Variants in C1orf21 observed in about 807,000 individuals in gnomAD.
The protein encoded by C1orf21 is uncharacterized protein C1orf21.
In C1orf21, 3 loss-of-function variants were observed where a neutral mutation model predicts 18.7. That is an observed-to-expected ratio of 0.16 (90% confidence interval 0.07 to 0.42). The LOEUF is 0.42. Among genes scored for constraint, C1orf21 ranks in the 10% least tolerant of loss-of-function variants. The probability of loss-of-function intolerance (pLI) is 0.99; values close to 1 mark genes in which losing one functional copy is unlikely to be tolerated. For missense variants in C1orf21, 104 were observed against 143.6 expected (o/e 0.72, Z 1.41); for synonymous variants, 41 against 46.4 (o/e 0.88, Z 0.47).
At chr1:184,592,407 A>G (rs1206855022) in intron 4 of C1orf21, among the ~76,000 whole-genome samples, 2 of 152,228 alleles carry the variant, frequency 1.3e-5, no homozygotes, top group African/African-American at 4.8e-5. Flanking sequence ...AGGTCATTGC[A>G]TGTTCAAAAG....
chr1:184,492,020 A>T (rs889115077), intron 2 of C1orf21, among the ~76,000 whole-genome samples: 1 of 152,162 alleles, frequency 6.6e-6, no homozygotes, highest in African/African-American at 2.4e-5. Context: ...ATTCTTTGTA[A>T]CTTTAATCTC....
intron 5 of C1orf21, among the ~76,000 whole-genome samples, chr1:184,601,490 T>C (rs1314168837): frequency 6.6e-6 from 1 of 152,222 alleles, no homozygotes; most frequent in African/African-American, 2.4e-5. Context: ...TTTGGACTAC[T>C]CTAATTCAGA....
chr1:184,462,049 A>G (rs555057387), intron 1 of C1orf21, among the ~76,000 whole-genome samples: 1 of 152,212 alleles, frequency 6.6e-6, no homozygotes, highest in Non-Finnish European at 1.5e-5. Context: ...AGGGAGGAGG[A>G]CATGGGTCTT....
At chr1:184,599,417 A>G (rs1659557936) in intron 5 of C1orf21, 1 of 152,212 alleles carries the variant, frequency 6.6e-6, no homozygotes, top group South Asian at 2.1e-4. Context: ...ATTCATTAGT[A>G]TTATTTAGCA....
chr1:184,517,942 C>A (rs978339281), intron 3 of C1orf21, among the ~76,000 whole-genome samples: 3 of 152,190 alleles, frequency 2.0e-5, no homozygotes, highest in Non-Finnish European at 4.4e-5. Context: ...GGAATAGTAT[C>A]AGGATCCCAG....
chr1:184,552,982 G>C (rs573993062), intron 3 of C1orf21, among the ~76,000 whole-genome samples: 1 of 152,192 alleles, frequency 6.6e-6, no homozygotes, highest in East Asian at 1.9e-4. Flanking sequence ...ATGAATTCTG[G>C]CATATTGGTT....
At chr1:184,565,025 C>T (rs548297387) in intron 3 of C1orf21, among the ~76,000 whole-genome samples, 74 of 152,240 alleles carry the variant, frequency 4.9e-4, no homozygotes, top group African/African-American at 1.7e-3. Flanking sequence ...TCTCTCTAGA[C>T]GTTAGTTACC....
chr1:184,464,242 A>G (rs1380928135), intron 1 of C1orf21, among the ~76,000 whole-genome samples: 2 of 152,238 alleles, frequency 1.3e-5, no homozygotes, highest in East Asian at 3.9e-4. Context: ...CAAGAAACAT[A>G]TATCTGTGCC....
At chr1:184,601,933 A>G (rs750674842) in intron 5 of C1orf21, among the ~76,000 whole-genome samples, 1 of 152,132 alleles carries the variant, frequency 6.6e-6, no homozygotes. Context: ...AATAAGATTC[A>G]GCACCTACTG....
intron 1 of C1orf21, among the ~76,000 whole-genome samples, chr1:184,419,608 G>A (rs956940225): frequency 8.6e-5 from 13 of 151,838 alleles, no homozygotes; most frequent in African/African-American, 2.4e-4. Flanking sequence ...TGTCAGTTAC[G>A]CCATATGTTT....
At chr1:184,392,593 T>TA (rs1036609918) in intron 1 of C1orf21, among the ~76,000 whole-genome samples, 2 of 151,860 alleles carry the variant, frequency 1.3e-5, no homozygotes, top group African/African-American at 2.4e-5. Flanking sequence ...AATCTAAATT[T>TA]AAAAAAAATA....
At chr1:184,551,943 T>TAAAAAAAAAAAAAAAAAAA (rs5779224) in intron 3 of C1orf21, among the ~76,000 whole-genome samples, 1 of 139,798 alleles carries the variant, frequency 7.2e-6, no homozygotes, top group African/African-American at 2.7e-5. Flanking sequence ...GACCCTGTCT[T>TAAAAAAAAAAAAAAAAAAA]AAAAAAAAAA....
intron 1 of C1orf21, among the ~76,000 whole-genome samples, chr1:184,455,273 G>A (rs1240791437): frequency 1.3e-5 from 2 of 152,136 alleles, no homozygotes; most frequent in Non-Finnish European, 2.9e-5. Flanking sequence ...ACAAATGTAA[G>A]GTGACCTGTG....
rs78513911 is a variant in C1orf21 at position 184,401,653 on chromosome 1, C to T, written c.-125+14285C>T. Among the ~76,000 whole-genome samples, 1,398 of 151,710 alleles carry T rather than the reference C, an allele frequency of 9.2e-3. 23 individuals are homozygous for T. Among genetic ancestry groups the T allele is most frequent in the Admixed American group, 0.05 (756 of 15,264 alleles). ...TTTTCTTTGGTGCAGTCAGTATTAT[C>T]AGTGTTTCTTGATTGTCTCTTAGTT... On this transcript the variant is annotated intron_variant, in intron 1 of 5. Transcript: ENST00000235307.
Position 184,471,020 on chromosome 1 carries a change from G to A in C1orf21, c.-124-6366G>A, listed in dbSNP as rs145866310. ...CTGTGAATGTGTGACTTTAATCAGG[G>A]GCTGGTGTTTTCCTCTCTTGCCTTC... On this transcript the variant is annotated intron_variant, in intron 1 of 5. Transcript: ENST00000235307. Among the ~76,000 whole-genome samples, 910 of 152,130 alleles carry A rather than the reference G, an allele frequency of 6.0e-3. 6 individuals carry two copies. Among genetic ancestry groups the A allele is most frequent in the Admixed American group, 9.4e-3 (144 of 15,266 alleles).
chr1:184,566,280 G>A (rs978183445), intron 3 of C1orf21, among the ~76,000 whole-genome samples: 5 of 152,260 alleles, frequency 3.3e-5, no homozygotes, highest in African/African-American at 4.8e-5. Flanking sequence ...CTCTTTCCCC[G>A]CCACAGTAAA....
intron 2 of C1orf21, among the ~76,000 whole-genome samples, chr1:184,504,843 C>T (rs1022481261): frequency 5.9e-5 from 9 of 152,124 alleles, no homozygotes; most frequent in Admixed American, 3.3e-4. Flanking sequence ...CTTAACACCA[C>T]GTTGGCTAGC....
chr1:184,499,671 GAA>G (rs537036222), intron 2 of C1orf21, among the ~76,000 whole-genome samples: 5 of 140,862 alleles, frequency 3.5e-5, no homozygotes, highest in Middle Eastern at 3.6e-3. Context: ...TTTGTGGTAG[GAA>G]AAAAAAAAAA....
intron 1 of C1orf21, among the ~76,000 whole-genome samples, chr1:184,407,754 A>G (rs1173254058): frequency 3.9e-5 from 6 of 152,236 alleles, no homozygotes; most frequent in Admixed American, 2.6e-4. Flanking sequence ...CTAGGTCTCT[A>G]GCAAATTATT....
Sources: gnomAD v4.1 joint callset for allele counts (sites outside exome capture counted in the v4.1 genomes callset) on GRCh38, gnomAD v4.1.1 for gene constraint, MANE v1.5 for transcripts, NCBI Gene and HGNC (gene_info 2026-07-23, HGNC 2026-07-21) for gene names.